Variants in SP140L observed in about 807,000 individuals in gnomAD.
SP140L encodes the protein nuclear body protein SP140-like protein.
A neutral mutation model predicts 84.3 loss-of-function variants in SP140L; 64 were observed. The ratio of observed to expected loss-of-function variants is 0.76; its 90% CI spans 0.62 to 0.94. SP140L has a LOEUF of 0.94. Ranked by LOEUF, SP140L falls within the 40% of genes least tolerant of loss-of-function variation. The probability of loss-of-function intolerance (pLI) is 0.00; values close to 1 mark genes in which losing one functional copy is unlikely to be tolerated. For synonymous variants in SP140L, 242 were observed against 236.9 expected (o/e 1.02, Z -0.20); for missense variants, 628 against 692.5 (o/e 0.91, Z 1.05).
chr2:230,337,438 G>C (rs1254152528), intron 2 of SP140L, among the ~76,000 whole-genome samples: 6 of 151,892 alleles, frequency 4.0e-5, no homozygotes, highest in Admixed American at 1.3e-4. Flanking sequence ...CTCCCATTTT[G>C]TAGGTTGCCT....
At chr2:230,383,720 A>G (rs973502497) in intron 8 of SP140L, 145 bp downstream of exon 8, 20 of 737,480 alleles carry the variant, frequency 2.7e-5, no homozygotes, top group Non-Finnish European at 3.4e-5. Flanking sequence ...GGCTGTGACA[A>G]AGAGGCCTGA....
chr2:230,356,372 G>A (rs1006694795), intron 2 of SP140L, among the ~76,000 whole-genome samples: 5 of 152,104 alleles, frequency 3.3e-5, no homozygotes, highest in Admixed American at 6.5e-5. Context: ...AAATGAGTAC[G>A]CAGACTGTGG....
intron 5 of SP140L, among the ~76,000 whole-genome samples, chr2:230,367,409 C>T (rs2060922272): frequency 6.6e-6 from 1 of 150,966 alleles, no homozygotes; most frequent in South Asian, 2.1e-4. Context: ...CCTCCTGCCT[C>T]AGCCGTCCAA....
At chr2:230,394,867 T>C (rs1310017371) in intron 13 of SP140L, among the ~76,000 whole-genome samples, 1 of 152,244 alleles carries the variant, frequency 6.6e-6, no homozygotes, top group Non-Finnish European at 1.5e-5. Flanking sequence ...ATAATGTCTC[T>C]GCTCAGGCTC....
intron 9 of SP140L, among the ~76,000 whole-genome samples, chr2:230,385,573 A>T (rs925644173): frequency 1.3e-5 from 2 of 152,184 alleles, no homozygotes; most frequent in African/African-American, 4.8e-5. Context: ...ATCATTGGCT[A>T]ATTAAAATGG....
chr2:230,332,046 CAG>C (rs1234946612), intron 2 of SP140L, among the ~76,000 whole-genome samples: 1 of 152,078 alleles, frequency 6.6e-6, no homozygotes, highest in Non-Finnish European at 1.5e-5. Context: ...TTCCAGCGCT[CAG>C]GGGAACGCTT....
chr2:230,368,878 T>C (rs184893649), intron 5 of SP140L, among the ~76,000 whole-genome samples: 1 of 152,360 alleles, frequency 6.6e-6, no homozygotes, highest in East Asian at 1.9e-4. Flanking sequence ...AATTGTTTCT[T>C]GGTATATTCT....
chr2:230,374,885 C>A (rs1456065076), intron 7 of SP140L, among the ~76,000 whole-genome samples: 3 of 151,896 alleles, frequency 2.0e-5, no homozygotes, highest in Non-Finnish European at 2.9e-5. Context: ...ACTGGGAAAC[C>A]AAAAAAATTG....
At chr2:230,376,946 C>T (rs924130055) in intron 7 of SP140L, among the ~76,000 whole-genome samples, 1 of 152,072 alleles carries the variant, frequency 6.6e-6, no homozygotes. Context: ...ATAAGGGCAC[C>T]AACAATAGGA....
chr2:230,384,785 G>T (rs577575424), intron 8 of SP140L, among the ~76,000 whole-genome samples: 1 of 152,022 alleles, frequency 6.6e-6, no homozygotes, highest in Non-Finnish European at 1.5e-5. Flanking sequence ...GGTGGCGGGC[G>T]CCTATAATCC....
intron 2 of SP140L, among the ~76,000 whole-genome samples, chr2:230,333,119 C>A (rs1179094309): frequency 1.3e-5 from 2 of 151,442 alleles, no homozygotes; most frequent in African/African-American, 4.9e-5. Flanking sequence ...GGTTAACTGC[C>A]TTGCAGTTTT....
At chr2:230,400,789 A>G in intron 15 of SP140L, 166 bp from the exon 16 acceptor site, 3 of 1,495,672 alleles carry the variant, frequency 2.0e-6, no homozygotes, top group African/African-American at 2.8e-5. Context: ...GGGAAAGGCC[A>G]GTGGCTGGAG....
At chr2:230,365,579 C>T (rs1245093902) in intron 5 of SP140L, among the ~76,000 whole-genome samples, 1 of 151,776 alleles carries the variant, frequency 6.6e-6, no homozygotes, top group Non-Finnish European at 1.5e-5. Flanking sequence ...TTTTCAAAAA[C>T]CAACTCTGTT....
intron 12 of SP140L, among the ~76,000 whole-genome samples, chr2:230,392,673 G>A (rs777964409): frequency 6.6e-6 from 1 of 152,180 alleles, no homozygotes. Flanking sequence ...AGCAACTGGG[G>A]TTGTCTGTGG....
At chr2:230,365,292 T>G (rs2060831742) in intron 5 of SP140L, among the ~76,000 whole-genome samples, 1 of 152,090 alleles carries the variant, frequency 6.6e-6, no homozygotes, top group African/African-American at 2.4e-5. Context: ...GGCTTTTGTT[T>G]GATGGGTGGT....
At chr2:230,354,950 AAG>A (rs796943493) in intron 2 of SP140L, among the ~76,000 whole-genome samples, 2 of 152,036 alleles carry the variant, frequency 1.3e-5, no homozygotes, top group East Asian at 3.9e-4. Context: ...AAAAGAAAGA[AAG>A]AGAAAGAAAG....
chr2:230,346,259 T>G (rs1329168067), intron 2 of SP140L, among the ~76,000 whole-genome samples: 2 of 152,222 alleles, frequency 1.3e-5, no homozygotes, highest in Non-Finnish European at 2.9e-5. Flanking sequence ...ACTGTTAGTC[T>G]TATGAGGGCT....
intron 14 of SP140L, 137 bp downstream of exon 14, chr2:230,396,935 T>A: frequency 1.9e-6 from 2 of 1,040,786 alleles, no homozygotes; most frequent in Admixed American, 2.3e-5. Flanking sequence ...TTCAGTTGCA[T>A]CACCCAAGCC....
At chr2:230,358,103 A>G (rs1008314540) in intron 3 of SP140L, 136 bp downstream of exon 3, 1 of 967,632 alleles carries the variant, frequency 1.0e-6, no homozygotes, top group East Asian at 2.4e-5. Flanking sequence ...AGCTGAGGAA[A>G]TGGTGTTCCA....
Sources: allele counts gnomAD v4.1 joint callset (sites outside exome capture counted in the v4.1 genomes callset), GRCh38; gene constraint gnomAD v4.1.1; transcripts MANE v1.5; gene names NCBI Gene and HGNC (gene_info 2026-07-23, HGNC 2026-07-21).